Variants in FREM2 observed in about 807,000 individuals in gnomAD.
The protein encoded by FREM2 is FRAS1 related extracellular matrix 2.
FREM2 carries 119 observed loss-of-function variants against 219.9 expected under a neutral mutation model. The ratio of observed to expected loss-of-function variants is 0.54; its 90% CI spans 0.47 to 0.63. The LOEUF is 0.63. Among genes scored for constraint, FREM2 ranks in the 30% least tolerant of loss-of-function variants. The pLI is 0.00. For synonymous variants in FREM2, 1,562 were observed against 1,522.8 expected (o/e 1.03, Z -0.60); for missense variants, 4,030 against 3,993.6 (o/e 1.01, Z -0.25).
At chr13:38,778,722 A>G (rs1230591304) in intron 4 of FREM2, among the ~76,000 whole-genome samples, 1 of 152,160 alleles carries the variant, frequency 6.6e-6, no homozygotes, top group Admixed American at 6.5e-5. Context: ...GTGATGAAAT[A>G]ATCTGTGCAG....
At chr13:38,800,033 T>C (rs1380631841) in intron 6 of FREM2, among the ~76,000 whole-genome samples, 1 of 152,182 alleles carries the variant, frequency 6.6e-6, no homozygotes, top group Non-Finnish European at 1.5e-5. Flanking sequence ...CTGGTTATTT[T>C]ATATATTATC....
intron 15 of FREM2, among the ~76,000 whole-genome samples, chr13:38,863,036 G>T (rs981302156): frequency 6.6e-6 from 1 of 152,010 alleles, no homozygotes; most frequent in Non-Finnish European, 1.5e-5. Flanking sequence ...TTTAATGGTG[G>T]TAGTTTTCAA....
chr13:38,880,784 T>C lies in FREM2; in HGVS notation c.9507T>C (p.Val3169=). The C allele has an allele frequency of 1.9e-6, 3 of 1,614,056 alleles. No homozygotes were observed. Among genetic ancestry groups the C allele is most frequent in the Non-Finnish European group, 2.5e-6 (3 of 1,180,006 alleles). ...GCCATCACAATGACAGCTCAGAAGT[T>C]TGATGACTGCAGGTAGAATTCAACC... ...PQSHHNDSSE[V] The change falls in exon 24 of 24, where the codon GTT becomes GTC. Residue 3169 remains valine, a synonymous_variant. Coordinates refer to ENST00000280481, the MANE Select transcript of FREM2 (RefSeq NM_207361.6).
chr13:38,719,347 A>G (rs761879419), intron 2 of FREM2, among the ~76,000 whole-genome samples: 2 of 152,072 alleles, frequency 1.3e-5, no homozygotes, highest in Non-Finnish European at 2.9e-5. Context: ...CACCCTCCCG[A>G]GTAGCTGAGA....
rs1352175989 is a variant in FREM2, at chr13:38,884,925, GC to G, written c.*4139del. ...TTTGTGAAAACATACTCTCATGGGA[GC>G]TTCTTTAACATTAGTTCAGAGGTTA... is the stretch of plus-strand genomic sequence containing the variant. On this transcript the variant is annotated 3_prime_UTR_variant, in exon 24 of 24. Transcript: ENST00000280481. The G allele has an allele frequency of 6.6e-5, 10 of 152,284 alleles. No individual in the cohort carries two copies. Among genetic ancestry groups the G allele is most frequent in the African/African-American group, 2.4e-4 (10 of 41,566 alleles). The allele number at this position is 152,284 out of a possible 1,614,324, so 9.4% of individuals were successfully genotyped here. A position where few individuals can be genotyped will look rare whatever the true frequency, so the allele number is the denominator to read the frequency against.
At chr13:38,877,706 T>C (rs1878390046) in intron 21 of FREM2, among the ~76,000 whole-genome samples, 1 of 152,224 alleles carries the variant, frequency 6.6e-6, no homozygotes, top group African/African-American at 2.4e-5. Flanking sequence ...GGGGTTTCAT[T>C]AAACCCTCTT....
chr13:38,866,017 A>T (rs1376114841), intron 16 of FREM2, among the ~76,000 whole-genome samples: 1 of 152,184 alleles, frequency 6.6e-6, no homozygotes, highest in South Asian at 2.1e-4. Context: ...TTCTTTATAG[A>T]TCAGGTATCT....
rs913431593 is a variant in FREM2 at position 38,884,300 on chromosome 13, A to G, written c.*3513A>G. On this transcript the variant is annotated 3_prime_UTR_variant, in exon 24 of 24. Transcript: ENST00000280481. ...CTCCAAAGTCAACATTAAAAATGTA[A>G]ATGGACCTGTGTAAATATCACAGAG... The G allele has an allele frequency of 5.9e-5, 9 of 152,284 alleles. No individual in the cohort carries two copies. The highest frequency in any genetic ancestry group is 2.2e-4 in the African/African-American group (9 of 41,566). 9.4% of individuals were successfully genotyped at this position (152,284 alleles called of 1,614,324 possible). A position where few individuals can be genotyped will look rare whatever the true frequency, so the allele number is the denominator to read the frequency against.
rs142526257 is a variant in FREM2 at position 38,689,323 on chromosome 13, C to T, written c.1979C>T (p.Pro660Leu). 8 of 1,613,894 alleles carry T rather than the reference C, an allele frequency of 5.0e-6. No homozygotes were observed. Among genetic ancestry groups the T allele is most frequent in the Non-Finnish European group, 5.9e-6 (7 of 1,179,992 alleles). ...EGRLFYRHSGPHSPGPVTDQF... is the reference protein window; with the variant it reads ...EGRLFYRHSGLHSPGPVTDQF... The stretch of plus-strand genomic sequence containing the variant: ...AGGCTGTTCTATAGACACTCTGGGC[C>T]CCATAGTCCTGGGCCAGTCACAGAC... Residue 660 changes from proline (P) to leucine (L), a missense_variant, in exon 1 of 24, where the codon CCC (proline) becomes CTC (leucine). This residue lies in a region of FREM2 where 3,102 missense variants were observed against 2,950.7 expected (regional missense o/e 1.05). Coordinates refer to ENST00000280481, the MANE Select transcript of FREM2 (RefSeq NM_207361.6).
chr13:38,689,399 G>A lies in FREM2; in HGVS notation c.2055G>A (p.Gly685=). The A allele has an allele frequency of 6.2e-7, 1 of 1,614,022 alleles. No homozygotes were observed. Among genetic ancestry groups the A allele is most frequent in the Non-Finnish European group, 8.5e-7 (1 of 1,179,988 alleles). The change falls in exon 1 of 24, where the codon GGG becomes GGA. Residue 685 remains glycine (G), a synonymous_variant. Coordinates refer to ENST00000280481, the MANE Select transcript of FREM2 (RefSeq NM_207361.6). The stretch of plus-strand genomic sequence containing the variant: ...ACCATGACCCTCCTAATCAGTCCGG[G>A]CTACAGCGGTTTGTGATTCGTATCC... ...QDNHDPPNQS[G]LQRFVIRIHP... is the part of the protein sequence containing the mutation.
chr13:38,763,249 C>T (rs1247031147), intron 2 of FREM2, among the ~76,000 whole-genome samples: 2 of 152,116 alleles, frequency 1.3e-5, no homozygotes, highest in African/African-American at 4.8e-5. Flanking sequence ...AAGTTGATAG[C>T]TCAAAGTTGC....
chr13:38,745,511 C>A (rs1872429182), intron 2 of FREM2, among the ~76,000 whole-genome samples: 2 of 152,094 alleles, frequency 1.3e-5, no homozygotes, highest in African/African-American at 4.8e-5. Flanking sequence ...TCCCTAAAAA[C>A]ATCAGGTTTA....
intron 6 of FREM2, among the ~76,000 whole-genome samples, chr13:38,801,304 A>T (rs932413716): frequency 2.0e-5 from 3 of 152,210 alleles, no homozygotes; most frequent in African/African-American, 7.2e-5. Flanking sequence ...GCTTCATTAA[A>T]ATTAGCATTT....
chr13:38,834,433 G>T (rs1876632486), intron 6 of FREM2, among the ~76,000 whole-genome samples: 1 of 151,760 alleles, frequency 6.6e-6, no homozygotes, highest in African/African-American at 2.4e-5. Flanking sequence ...GACATTTATA[G>T]TAGAATGATT....
chr13:38,796,344 T>G (rs576880065), intron 6 of FREM2, among the ~76,000 whole-genome samples: 1 of 152,322 alleles, frequency 6.6e-6, no homozygotes, highest in South Asian at 2.1e-4. Context: ...GGTAAAGAAC[T>G]GGGGCTGGGT....
intron 4 of FREM2, among the ~76,000 whole-genome samples, chr13:38,774,471 T>C (rs1873796319): frequency 1.3e-5 from 2 of 152,160 alleles, no homozygotes; most frequent in Admixed American, 1.3e-4. Context: ...GAATGCTACG[T>C]GCTCTGATAA....
chr13:38,802,345 C>G (rs528267802), intron 6 of FREM2, among the ~76,000 whole-genome samples: 230 of 152,298 alleles, frequency 1.5e-3, no homozygotes, highest in African/African-American at 5.3e-3. Context: ...TGACAATTAC[C>G]TGCTTGGCCT....
At chr13:38,844,529 AT>A (rs2137904352) in intron 6 of FREM2, among the ~76,000 whole-genome samples, 1 of 152,324 alleles carries the variant, frequency 6.6e-6, no homozygotes, top group South Asian at 2.1e-4. Context: ...GCAACACACC[AT>A]TTGGTCCCCG....
chr13:38,755,857 C>G (rs1872975298), intron 2 of FREM2, among the ~76,000 whole-genome samples: 1 of 152,150 alleles, frequency 6.6e-6, no homozygotes, highest in South Asian at 2.1e-4. Flanking sequence ...ATATCACTTT[C>G]CCGTAGGCTA....
Sources: gnomAD v4.1 joint callset for allele counts (sites outside exome capture counted in the v4.1 genomes callset) on GRCh38, gnomAD v4.1.1 for gene constraint, gnomAD v4.1.1 regional missense constraint, MANE v1.5 for transcripts, NCBI Gene and HGNC (gene_info 2026-07-23, HGNC 2026-07-21) for gene names.